The following INSC variants were observed in gnomAD, a reference collection of about 807,000 sequenced individuals.
INSC encodes protein inscuteable homolog.
Under a neutral mutation model 58.6 loss-of-function variants are expected in INSC, and 67 were observed. The ratio of observed to expected loss-of-function variants is 1.14; its 90% CI spans 0.94 to 1.40. The LOEUF (loss-of-function observed/expected upper bound fraction) is 1.40. Among genes scored for constraint, INSC ranks in the 40% most tolerant of loss-of-function variants. INSC has a pLI of 0.00. For missense variants in INSC, 714 were observed against 692.0 expected, an observed-to-expected ratio of 1.03 and a Z score of -0.36; for synonymous variants, 262 against 276.1, an observed-to-expected ratio of 0.95 and a Z score of 0.51.
At chr11:15,116,813 C>CTTTCTT (rs1564853563) in intron 1 of INSC, among the ~76,000 whole-genome samples, 1 of 25,052 alleles carries the variant, frequency 4.0e-5, no homozygotes, top group Non-Finnish European at 7.9e-5. Flanking sequence ...TCTTTTCTTT[C>CTTTCTT]TTTCTTTCTT....
At chr11:15,113,119 C>CTTTGTT, upstream of INSC, among the ~76,000 whole-genome samples, 1 of 73,300 alleles carries the variant, frequency 1.4e-5, no homozygotes, top group Non-Finnish European at 3.1e-5. Flanking sequence ...TTCTCTCTCT[C>CTTTGTT]TCTTTCTTTC....
At chr11:15,114,900 C>A (rs1352612580), upstream of INSC, 4 of 984,192 alleles carry the variant, frequency 4.1e-6, no homozygotes, top group Non-Finnish European at 4.8e-6. Flanking sequence ...GGCGGCCTCT[C>A]GGGCTGGGCC....
chr11:15,148,969 G>A, intron 1 of INSC, 161 bp from the exon 2 acceptor site: 1 of 749,612 alleles, frequency 1.3e-6, no homozygotes, highest in South Asian at 4.1e-5. Flanking sequence ...TGCCTTACTT[G>A]TGTGAGGATA....
intron 1 of INSC, among the ~76,000 whole-genome samples, chr11:15,125,262 A>C (rs529146553): frequency 6.6e-6 from 1 of 152,174 alleles, no homozygotes; most frequent in African/African-American, 2.4e-5. Context: ...CTGCCGGTCC[A>C]TGTGATTGGA....
intron 1 of INSC, among the ~76,000 whole-genome samples, chr11:15,131,637 A>C (rs1268828620): frequency 1.3e-5 from 2 of 152,166 alleles, no homozygotes; most frequent in Non-Finnish European, 2.9e-5. Context: ...GCATATCTTA[A>C]GACTATGCTA....
the INSC span, among the ~76,000 whole-genome samples, chr11:15,261,158 G>T: frequency 6.6e-6 from 1 of 152,180 alleles, no homozygotes; most frequent in Non-Finnish European, 1.5e-5. Flanking sequence ...TCTGTTGCTT[G>T]CTTGATCCTG....
intron 2 of INSC, among the ~76,000 whole-genome samples, chr11:15,152,474 C>G (rs769127376): frequency 6.6e-6 from 1 of 152,188 alleles, no homozygotes; most frequent in African/African-American, 2.4e-5. Context: ...AAACTAGAAA[C>G]TTTACTGATC....
intron 7 of INSC, among the ~76,000 whole-genome samples, chr11:15,218,624 A>G (rs1400512854): frequency 6.6e-6 from 1 of 152,166 alleles, no homozygotes; most frequent in African/African-American, 2.4e-5. Context: ...GAGTTACCAA[A>G]AGAGATCTGA....
chr11:15,168,446 C>A (rs1018791145), intron 2 of INSC, among the ~76,000 whole-genome samples: 4 of 152,192 alleles, frequency 2.6e-5, no homozygotes. Flanking sequence ...AGGACATGAT[C>A]TTAGCATGGT....
Position 15,135,581 on chromosome 11 carries a change from G to C in INSC, c.-45-13549G>C, listed in dbSNP as rs139651011. ...GAGAACTCTTCACCCTTGTGGCCGA[G>C]CCAAGGTTTTGGTTCAGTCTGGATT... On this transcript the variant is annotated intron_variant, in intron 1 of 12. Transcript: ENST00000379556. Among the ~76,000 whole-genome samples the C allele has an allele frequency of 5.3e-5, 8 of 152,304 alleles. No homozygotes were observed. The South Asian group carries it at 1.7e-3, about 32-fold the overall frequency.
chr11:15,195,330 C>CT (rs1850334624), intron 6 of INSC, among the ~76,000 whole-genome samples: 2 of 152,152 alleles, frequency 1.3e-5, no homozygotes, highest in African/African-American at 4.8e-5. Context: ...GAGTTGCAAA[C>CT]ACATGCTGGA....
chr11:15,217,112 A>G (rs760869277), intron 7 of INSC, among the ~76,000 whole-genome samples: 1 of 152,224 alleles, frequency 6.6e-6, no homozygotes, highest in Non-Finnish European at 1.5e-5. Context: ...TATAAAGGAA[A>G]GAGGTTTAAT....
chr11:15,134,309 T>C (rs1339127155), intron 1 of INSC, among the ~76,000 whole-genome samples: 1 of 152,196 alleles, frequency 6.6e-6, no homozygotes, highest in Non-Finnish European at 1.5e-5. Flanking sequence ...AAGATGCCAT[T>C]GACTGAAGCA....
intron 2 of INSC, among the ~76,000 whole-genome samples, chr11:15,151,818 C>T (rs1019463365): frequency 2.0e-5 from 3 of 152,162 alleles, no homozygotes; most frequent in Non-Finnish European, 2.9e-5. Flanking sequence ...AGCCCAGGGT[C>T]CACACAGGGC....
intron 10 of INSC, 36 bp from the exon 11 acceptor site, chr11:15,238,883 G>T: frequency 6.3e-7 from 1 of 1,598,608 alleles, no homozygotes; most frequent in Non-Finnish European, 8.5e-7. Context: ...GCTCCATGCT[G>T]GGGTAGGTAC....
chr11:15,216,902 G>A (rs1435327500), intron 7 of INSC, among the ~76,000 whole-genome samples: 8 of 152,214 alleles, frequency 5.3e-5, no homozygotes, highest in African/African-American at 1.9e-4. Flanking sequence ...GTGCCACCAT[G>A]TGGCAGGCAC....
intron 5 of INSC, among the ~76,000 whole-genome samples, chr11:15,183,363 A>C (rs1205970782): frequency 6.6e-6 from 1 of 151,820 alleles, no homozygotes; most frequent in East Asian, 1.9e-4. Flanking sequence ...AAAAAAAAAA[A>C]AAAAAAACCA....
At chr11:15,180,330 G>C (rs1401013965) in intron 5 of INSC, among the ~76,000 whole-genome samples, 2 of 152,114 alleles carry the variant, frequency 1.3e-5, no homozygotes, top group Non-Finnish European at 2.9e-5. Flanking sequence ...TAAACTGTGA[G>C]TGAAAGCCAG....
chr11:15,194,187 AG>A, intron 6 of INSC, among the ~76,000 whole-genome samples: 1 of 152,310 alleles, frequency 6.6e-6, no homozygotes, highest in East Asian at 1.9e-4. Flanking sequence ...GACCTCAGTA[AG>A]GTCTTTTGTT....
Sources: allele counts gnomAD v4.1 joint callset (sites outside exome capture counted in the v4.1 genomes callset), GRCh38; gene constraint gnomAD v4.1.1; transcripts MANE v1.5; gene names NCBI Gene and HGNC (gene_info 2026-07-23, HGNC 2026-07-21).